The following NINL variants were observed in gnomAD, a reference collection of about 807,000 sequenced individuals.
NINL encodes ninein-like protein.
NINL carries 153 observed loss-of-function variants against 160.3 expected under a neutral mutation model. That is an observed-to-expected ratio of 0.95 (90% CI 0.84 to 1.09). The LOEUF (loss-of-function observed/expected upper bound fraction) is 1.09, where lower values mean the gene tolerates loss of function less well. NINL is among the 50% of genes least tolerant of loss of function. NINL has a pLI of 0.00. For missense variants in NINL, 1,829 were observed against 1,764.0 expected (o/e 1.04, Z -0.66); for synonymous variants, 800 against 734.8 (o/e 1.09, Z -1.43).
At chr20:25,462,602 T>A in intron 19 of NINL, 61 bp from the exon 20 acceptor site, 1 of 1,400,200 alleles carries the variant, frequency 7.1e-7, no homozygotes, top group Non-Finnish European at 9.8e-7. Context: ...ATGTTATATA[T>A]ACATTTGCCC....
chr20:25,560,269 C>T (rs1055530746), intron 1 of NINL, among the ~76,000 whole-genome samples: 12 of 152,260 alleles, frequency 7.9e-5, no homozygotes, highest in African/African-American at 2.9e-4. Flanking sequence ...TGTTTAATGC[C>T]TATATGTGTA....
intron 1 of NINL, among the ~76,000 whole-genome samples, chr20:25,546,751 G>A (rs554583117): frequency 2.0e-4 from 30 of 149,060 alleles, no homozygotes; most frequent in African/African-American, 7.4e-4. Context: ...TGTGCTCATC[G>A]GGAGAGATAC....
rs1205171791 is a variant in NINL, at chr20:25,458,455, G to C, written c.3771C>G (p.Asp1257Glu). ...GCAGGCGATGCAGCTCGGCCACACG[G>C]TCCTGGGGCACCAGCCGGACCTCCT... ...HLQEVRLVPQ[D>E]RVAELHRLLS... Residue 1257 changes from aspartate to glutamate, a missense_variant, in exon 22 of 24, where the codon GAC (aspartate) becomes GAG (glutamate). Physicochemically the swap from Asp to Glu is conservative, Grantham distance 45. Coordinates refer to ENST00000278886, the MANE Select transcript of NINL (RefSeq NM_025176.6). 1.2e-6 allele frequency: 2 copies of C among 1,605,170 alleles called. No individual in the cohort carries two copies. Among genetic ancestry groups the C allele is most frequent in the East Asian group, 4.5e-5 (2 of 44,870 alleles).
chr20:25,570,032 T>A (rs1373320440), intron 1 of NINL, among the ~76,000 whole-genome samples: 8 of 149,584 alleles, frequency 5.3e-5, no homozygotes, highest in South Asian at 4.2e-4. Flanking sequence ...AAAAAAAAAA[T>A]TTTAGCTGGG....
chr20:25,453,619 G>A lies in NINL; in HGVS notation c.3981C>T (p.Asp1327=), dbSNP rs755775647. Residue 1327 remains aspartate, a synonymous_variant, in exon 24 of 24, where the codon GAC becomes GAT. Coordinates refer to ENST00000278886, the MANE Select transcript of NINL (RefSeq NM_025176.6). The part of the protein sequence containing the change: ...KEQFEKNTKS[D]LLLKELYVEN... ...CCACGTACAGCTCCTTCAGCAGCAG[G>A]TCGGACTTCGTGTTCTTTTCAAACT... 42 of 1,608,336 alleles carry A rather than the reference G, an allele frequency of 2.6e-5. No individual in the cohort carries two copies. Among genetic ancestry groups the A allele is most frequent in the Admixed American group, 3.4e-5 (2 of 58,640 alleles).
In NINL at chr20:25,462,465, T is replaced by C; in HGVS notation, c.3500A>G (p.Gln1167Arg). ...CACACGATGCTCCTCGTTTTGGGCC[T>C]GGTGGGTAGAAGCCTCCTGTCCCAG... is the stretch of plus-strand genomic sequence containing the variant. ...LQLGQEASTH[Q>R]AQNEEHRVTI... Residue 1167 changes from glutamine (Q) to arginine (R), a missense_variant, in exon 20 of 24, where the codon CAG (glutamine) becomes CGG (arginine). Gln to Arg is a conservative substitution (Grantham distance 43). Transcript: ENST00000278886. The C allele has an allele frequency of 6.2e-7, 1 of 1,614,196 alleles. No homozygotes were observed. Among genetic ancestry groups the C allele is most frequent in the Non-Finnish European group, 8.5e-7 (1 of 1,180,028 alleles).
At chr20:25,553,248 A>AC (rs2064827075) in intron 1 of NINL, among the ~76,000 whole-genome samples, 1 of 151,682 alleles carries the variant, frequency 6.6e-6, no homozygotes, top group Admixed American at 6.6e-5. Flanking sequence ...GACTACAGGT[A>AC]CCTGCCACCA....
intron 1 of NINL, 122 bp downstream of exon 1, chr20:25,585,333 C>T (rs1416207709): frequency 6.6e-6 from 1 of 152,360 alleles, no homozygotes; most frequent in Non-Finnish European, 1.5e-5. Flanking sequence ...GAGGAGCACC[C>T]GAGGCCGCGC....
chr20:25,521,053 C>G (rs546903925), intron 2 of NINL, among the ~76,000 whole-genome samples: 2 of 152,282 alleles, frequency 1.3e-5, no homozygotes, highest in African/African-American at 4.8e-5. Flanking sequence ...GCTATTACTT[C>G]TTCACATAAT....
At chr20:25,545,907 G>A (rs1361783169) in intron 1 of NINL, among the ~76,000 whole-genome samples, 1 of 152,086 alleles carries the variant, frequency 6.6e-6, no homozygotes, top group Non-Finnish European at 1.5e-5. Context: ...TCTCTCTGAA[G>A]CCTGCTATCT....
At chr20:25,482,210 G>A (rs1601094596) in intron 13 of NINL, 110 bp from the exon 14 acceptor site, 2 of 1,234,076 alleles carry the variant, frequency 1.6e-6, no homozygotes, top group Non-Finnish European at 2.2e-6. Context: ...GCACTGTGAG[G>A]TGAGGGCCTG....
intron 8 of NINL, 32 bp downstream of exon 8, chr20:25,500,808 C>T: frequency 6.2e-7 from 1 of 1,601,012 alleles, no homozygotes; most frequent in Admixed American, 1.7e-5. Context: ...CCCAGGTCCC[C>T]TGTCCAGCTT....
chr20:25,562,908 C>G (rs1244981705), intron 1 of NINL, among the ~76,000 whole-genome samples: 1 of 152,204 alleles, frequency 6.6e-6, no homozygotes, highest in African/African-American at 2.4e-5. Flanking sequence ...TGGCTCACAC[C>G]TGTAATCCCA....
rs2063946238 is a variant in NINL, at chr20:25,505,519, GTCA to G, written c.518-444_518-442del. Among the ~76,000 whole-genome samples the G allele has an allele frequency of 2.0e-5, 3 of 152,318 alleles. No homozygotes were observed. In the South Asian group the frequency reaches 6.2e-4, roughly 32 times the overall value. On this transcript the variant is annotated intron_variant, in intron 5 of 23. Coordinates refer to ENST00000278886, the MANE Select transcript of NINL (RefSeq NM_025176.6). Reference sequence around the variant, plus strand: ...GGACGTGTTAACTGGCTGGACTGTGGTCATCATTTCACAATGTACACATGTCTC... The same window carrying G: ...GGACGTGTTAACTGGCTGGACTGTGGTCATTTCACAATGTACACATGTCTC...
intron 2 of NINL, among the ~76,000 whole-genome samples, chr20:25,520,717 C>T (rs2064248352): frequency 6.6e-6 from 1 of 152,246 alleles, no homozygotes; most frequent in Non-Finnish European, 1.5e-5. Context: ...TATCTTTCCA[C>T]CGTCTTCTGA....
At chr20:25,524,086 T>C (rs2146949363) in intron 2 of NINL, among the ~76,000 whole-genome samples, 1 of 152,328 alleles carries the variant, frequency 6.6e-6, no homozygotes, top group East Asian at 1.9e-4. Flanking sequence ...TTGATACCGC[T>C]TCCCTTAAAT....
intron 5 of NINL, among the ~76,000 whole-genome samples, chr20:25,507,042 T>C (rs1212466847): frequency 1.3e-5 from 2 of 152,196 alleles, no homozygotes; most frequent in East Asian, 1.9e-4. Context: ...TGGCTGTTAT[T>C]CCTCTCACAT....
At chr20:25,565,971 C>CA (rs1208415685) in intron 1 of NINL, among the ~76,000 whole-genome samples, 1 of 152,200 alleles carries the variant, frequency 6.6e-6, no homozygotes, top group African/African-American at 2.4e-5. Context: ...TTGAGAGTTA[C>CA]ATCATTGGTT....
At chr20:25,581,615 A>G (rs896638272) in intron 1 of NINL, among the ~76,000 whole-genome samples, 1 of 152,220 alleles carries the variant, frequency 6.6e-6, no homozygotes, top group Non-Finnish European at 1.5e-5. Flanking sequence ...TGTATTGGCA[A>G]ATAAAAGTGG....
Sources: allele counts gnomAD v4.1 joint callset (sites outside exome capture counted in the v4.1 genomes callset), GRCh38; gene constraint gnomAD v4.1.1; transcripts MANE v1.5; gene names NCBI Gene and HGNC (gene_info 2026-07-23, HGNC 2026-07-21).